Variants in RIMS1 observed in about 807,000 individuals in gnomAD.
RIMS1 encodes regulating synaptic membrane exocytosis protein 1.
A neutral mutation model predicts 214.1 loss-of-function variants in RIMS1; 83 were observed. The ratio of observed to expected loss-of-function variants is 0.39; its 90% confidence interval spans 0.32 to 0.47. The LOEUF (loss-of-function observed/expected upper bound fraction) is 0.47. Among genes scored for constraint, RIMS1 ranks in the 20% least tolerant of loss-of-function variants. The pLI, the probability that RIMS1 is intolerant of heterozygous loss-of-function variation, is 0.99. For missense variants in RIMS1, 2,050 were observed against 2,161.8 expected (o/e 0.95, Z 1.03); for synonymous variants, 793 against 786.8 (o/e 1.01, Z -0.13).
chr6:72,151,393 C>T (rs1162754069), intron 4 of RIMS1, among the ~76,000 whole-genome samples: 1 of 152,148 alleles, frequency 6.6e-6, no homozygotes, highest in Non-Finnish European at 1.5e-5. Context: ...GGATGAAAGT[C>T]TAAAGATGTG....
intron 1 of RIMS1, among the ~76,000 whole-genome samples, chr6:71,918,043 C>T (rs73545359): frequency 0.019 from 2,914 of 152,000 alleles, 98 homozygotes; most frequent in African/African-American, 0.067. Flanking sequence ...AGTACGTAGT[C>T]GAATATTCAA....
chr6:71,905,632 A>T (rs1242326873), intron 1 of RIMS1, among the ~76,000 whole-genome samples: 2 of 152,012 alleles, frequency 1.3e-5, no homozygotes, highest in Admixed American at 6.6e-5. Context: ...TCCTTGATTT[A>T]AAAAAAATTA....
intron 29 of RIMS1, among the ~76,000 whole-genome samples, chr6:72,360,789 T>G (rs907083524): frequency 1.3e-5 from 2 of 150,050 alleles, no homozygotes; most frequent in African/African-American, 4.8e-5. Context: ...GTTTTATTTT[T>G]TGTGCGTAGT....
chr6:72,036,532 A>G (rs151094686), intron 2 of RIMS1, among the ~76,000 whole-genome samples: 44 of 152,324 alleles, frequency 2.9e-4, no homozygotes, highest in Middle Eastern at 3.4e-3. Context: ...CTACAAAGTA[A>G]ACAGATCTAC....
intron 6 of RIMS1, among the ~76,000 whole-genome samples, chr6:72,188,100 C>T (rs955221741): frequency 6.6e-6 from 1 of 152,230 alleles, no homozygotes; most frequent in African/African-American, 2.4e-5. Context: ...GTGCTGGGAA[C>T]TGATGAGATT....
intron 4 of RIMS1, among the ~76,000 whole-genome samples, chr6:72,133,285 A>T (rs2040753048): frequency 6.7e-6 from 1 of 148,806 alleles, no homozygotes; most frequent in Non-Finnish European, 1.5e-5. Context: ...GCTAGAATGC[A>T]GTGGCTCAGT....
chr6:72,338,965 A>G (rs1206213674), intron 29 of RIMS1, among the ~76,000 whole-genome samples: 2 of 151,862 alleles, frequency 1.3e-5, no homozygotes, highest in Admixed American at 6.6e-5. Flanking sequence ...AGTACATGCT[A>G]GGCATCATGC....
At chr6:72,217,025 C>A in intron 6 of RIMS1, 2 of 1,431,818 alleles carry the variant, frequency 1.4e-6, no homozygotes, top group South Asian at 3.0e-5. Context: ...ACACTGCAGG[C>A]TTTTTTGGCT....
chr6:72,304,897 TTTGA>T (rs1197107059), intron 26 of RIMS1, among the ~76,000 whole-genome samples: 3 of 151,982 alleles, frequency 2.0e-5, no homozygotes, highest in South Asian at 2.1e-4. Flanking sequence ...CAACTACATC[TTTGA>T]TTGAGAGTCA....
chr6:71,954,238 A>C (rs1009021922), intron 1 of RIMS1, among the ~76,000 whole-genome samples: 4 of 152,226 alleles, frequency 2.6e-5, no homozygotes, highest in African/African-American at 9.6e-5. Flanking sequence ...AGCCTTTCAA[A>C]ATATCAATTT....
intron 4 of RIMS1, among the ~76,000 whole-genome samples, chr6:72,107,518 A>G (rs1305273210): frequency 1.3e-5 from 2 of 152,090 alleles, no homozygotes; most frequent in Non-Finnish European, 2.9e-5. Context: ...CCAAGATCGC[A>G]TCACTGTACT....
intron 2 of RIMS1, among the ~76,000 whole-genome samples, chr6:72,061,012 C>A (rs1827704374): frequency 6.6e-6 from 1 of 151,920 alleles, no homozygotes; most frequent in Non-Finnish European, 1.5e-5. Context: ...TTGATATTTG[C>A]GTTTCAATTA....
At chr6:72,171,785 A>T (rs1392308123) in intron 4 of RIMS1, among the ~76,000 whole-genome samples, 1 of 152,200 alleles carries the variant, frequency 6.6e-6, no homozygotes, top group Non-Finnish European at 1.5e-5. Flanking sequence ...AAACATGTTG[A>T]GACGGTTATC....
chr6:72,238,253 A>G (rs1016211255), intron 9 of RIMS1, among the ~76,000 whole-genome samples: 1 of 152,048 alleles, frequency 6.6e-6, no homozygotes, highest in African/African-American at 2.4e-5. Context: ...CTTGAAATCT[A>G]AAACAATTTA....
intron 6 of RIMS1, among the ~76,000 whole-genome samples, chr6:72,214,169 T>A (rs1020579669): frequency 2.0e-5 from 3 of 152,190 alleles, no homozygotes; most frequent in Non-Finnish European, 4.4e-5. Context: ...CTAATATTGA[T>A]TCTCTGCTTT....
chr6:72,242,234 T>G, intron 9 of RIMS1, 80 bp from the exon 10 acceptor site: 1 of 1,160,808 alleles, frequency 8.6e-7, no homozygotes. Context: ...GTTTTGCATT[T>G]CTTTGTTAAA....
intron 2 of RIMS1, among the ~76,000 whole-genome samples, chr6:71,986,286 A>G (rs561908893): frequency 9.9e-5 from 15 of 151,576 alleles, no homozygotes; most frequent in African/African-American, 3.4e-4. Flanking sequence ...AGAATGGCTC[A>G]TAATAGGAAG....
intron 2 of RIMS1, among the ~76,000 whole-genome samples, chr6:71,998,321 T>C (rs1302225436): frequency 6.6e-6 from 1 of 152,186 alleles, no homozygotes; most frequent in East Asian, 1.9e-4. Context: ...GTTTCCTGTT[T>C]CCTTTGTTCA....
At chr6:72,250,886 T>TG in intron 13 of RIMS1, 35 bp from the exon 14 acceptor site, 1 of 1,286,994 alleles carries the variant, frequency 7.8e-7, no homozygotes, top group Non-Finnish European at 1.1e-6. Flanking sequence ...AGCATGTACT[T>TG]GCTTTTTCAT....
Sources: gnomAD v4.1 joint callset for allele counts (sites outside exome capture counted in the v4.1 genomes callset) on GRCh38, gnomAD v4.1.1 for gene constraint, MANE v1.5 for transcripts, NCBI Gene and HGNC (gene_info 2026-07-23, HGNC 2026-07-21) for gene names.